EXOC6: variants seen among roughly 807,000 people sequenced by gnomAD.
EXOC6 encodes exocyst complex component 6, also known as SEC15-like 1.
In EXOC6, 60 loss-of-function variants were observed where a neutral mutation model predicts 112.5. That is an observed-to-expected ratio of 0.53 (90% CI 0.43 to 0.66). The LOEUF (loss-of-function observed/expected upper bound fraction) is 0.66. Among genes scored for constraint, EXOC6 ranks in the 30% least tolerant of loss-of-function variants. The pLI is 0.00. For synonymous variants in EXOC6, 295 were observed against 308.0 expected (o/e 0.96, Z 0.44); for missense variants, 855 against 957.1 (o/e 0.89, Z 1.41).
At chr10:93,056,046 A>G (rs776996305) in intron 20 of EXOC6, among the ~76,000 whole-genome samples, 2 of 152,228 alleles carry the variant, frequency 1.3e-5, no homozygotes, top group Non-Finnish European at 2.9e-5. Flanking sequence ...AAAAGAAAGA[A>G]TATAAAAACT....
intron 18 of EXOC6, among the ~76,000 whole-genome samples, chr10:92,996,569 A>G (rs934923201): frequency 1.3e-5 from 2 of 150,234 alleles, no homozygotes; most frequent in African/African-American, 2.5e-5. Flanking sequence ...GTGAGCCGAG[A>G]TTGCGCCAGC....
intron 18 of EXOC6, among the ~76,000 whole-genome samples, chr10:92,988,459 A>G (rs1843098018): frequency 6.6e-6 from 1 of 152,130 alleles, no homozygotes; most frequent in Non-Finnish European, 1.5e-5. Flanking sequence ...TCAAGTTTTG[A>G]TTAATGTAAT....
At chr10:92,981,478 C>T (rs1842822429) in intron 18 of EXOC6, among the ~76,000 whole-genome samples, 1 of 152,148 alleles carries the variant, frequency 6.6e-6, no homozygotes. Context: ...AAAATGTCTT[C>T]ACATGTGTTT....
At chr10:92,868,801 C>T (rs1050057320) in intron 1 of EXOC6, among the ~76,000 whole-genome samples, 3 of 149,674 alleles carry the variant, frequency 2.0e-5, no homozygotes, top group Non-Finnish European at 4.4e-5. Context: ...CCCTTCTTTC[C>T]TCCCTCCCTC....
At chr10:92,943,544 C>T (rs1055100826) in intron 13 of EXOC6, among the ~76,000 whole-genome samples, 7 of 151,794 alleles carry the variant, frequency 4.6e-5, no homozygotes, top group Non-Finnish European at 1.0e-4. Flanking sequence ...ATATTATGAG[C>T]CCTGTTTTAT....
chr10:92,915,291 TA>T, intron 6 of EXOC6, among the ~76,000 whole-genome samples: 1 of 152,090 alleles, frequency 6.6e-6, no homozygotes, highest in South Asian at 2.1e-4. Context: ...CCTGTAATCC[TA>T]GCACTCTGGG....
chr10:92,999,799 T>C (rs774830141), intron 19 of EXOC6, among the ~76,000 whole-genome samples: 2 of 151,732 alleles, frequency 1.3e-5, no homozygotes, highest in Non-Finnish European at 2.9e-5. Flanking sequence ...GCCTCCTGGG[T>C]TCCAGCAATT....
chr10:92,913,480 C>T (rs1269398557), intron 6 of EXOC6, among the ~76,000 whole-genome samples: 1 of 152,204 alleles, frequency 6.6e-6, no homozygotes, highest in African/African-American at 2.4e-5. Flanking sequence ...TGATACTTGT[C>T]TCCCTTCTAT....
chr10:93,029,619 G>A (rs1269013235), intron 20 of EXOC6, among the ~76,000 whole-genome samples: 1 of 152,074 alleles, frequency 6.6e-6, no homozygotes, highest in Non-Finnish European at 1.5e-5. Context: ...CTTTTGATGA[G>A]GAGAAGTTCA....
At chr10:92,988,808 C>CACACACAA (rs1843114406) in intron 18 of EXOC6, among the ~76,000 whole-genome samples, 1 of 58,130 alleles carries the variant, frequency 1.7e-5, no homozygotes, top group Non-Finnish European at 3.7e-5. Context: ...AATACACACA[C>CACACACAA]ACACACACAC....
intron 17 of EXOC6, among the ~76,000 whole-genome samples, chr10:92,972,623 A>G (rs1316291389): frequency 6.6e-6 from 1 of 152,064 alleles, no homozygotes; most frequent in East Asian, 1.9e-4. Flanking sequence ...CCCTGGGTGA[A>G]ACTTAGGCCA....
intron 1 of EXOC6, among the ~76,000 whole-genome samples, chr10:92,892,765 G>A (rs1353874077): frequency 6.6e-6 from 1 of 152,198 alleles, no homozygotes; most frequent in Non-Finnish European, 1.5e-5. Context: ...AGGAAACATT[G>A]TGGTGACTGC....
At chr10:93,003,341 A>G (rs1329682259) in intron 19 of EXOC6, among the ~76,000 whole-genome samples, 3 of 152,192 alleles carry the variant, frequency 2.0e-5, no homozygotes, top group Non-Finnish European at 4.4e-5. Context: ...ATTCTATACC[A>G]TCATTCAGCC....
At chr10:92,898,806 C>T (rs771116485) in intron 4 of EXOC6, among the ~76,000 whole-genome samples, 3 of 151,834 alleles carry the variant, frequency 2.0e-5, no homozygotes, top group Non-Finnish European at 4.4e-5. Flanking sequence ...ACTTGGAGAC[C>T]CCTAGGAGGA....
intron 20 of EXOC6, among the ~76,000 whole-genome samples, chr10:93,047,126 G>T (rs1846032071): frequency 6.6e-6 from 1 of 152,202 alleles, no homozygotes; most frequent in Non-Finnish European, 1.5e-5. Flanking sequence ...GCAGTGTGGA[G>T]GTTGGCTAAT....
At chr10:92,938,199 T>A (rs1407855960) in intron 12 of EXOC6, among the ~76,000 whole-genome samples, 1 of 152,144 alleles carries the variant, frequency 6.6e-6, no homozygotes, top group African/African-American at 2.4e-5. Context: ...TAGGTAATAT[T>A]GGCACTGTAA....
intron 17 of EXOC6, among the ~76,000 whole-genome samples, chr10:92,963,369 C>T (rs1854122793): frequency 6.6e-6 from 1 of 152,130 alleles, no homozygotes; most frequent in Non-Finnish European, 1.5e-5. Flanking sequence ...TTGTATTTCC[C>T]TCTGAAAATT....
At chr10:93,013,616 T>A (rs922459145) in intron 19 of EXOC6, among the ~76,000 whole-genome samples, 4 of 151,742 alleles carry the variant, frequency 2.6e-5, no homozygotes, top group South Asian at 2.1e-4. Flanking sequence ...TCAAAAAAAA[T>A]AAAAATAAAA....
At chr10:92,987,548 G>A (rs1172060863) in intron 18 of EXOC6, 2 of 773,788 alleles carry the variant, frequency 2.6e-6, no homozygotes, top group African/African-American at 1.9e-5. Context: ...TTTAAACACT[G>A]ATTCTGCTGT....
Sources: allele counts gnomAD v4.1 joint callset (sites outside exome capture counted in the v4.1 genomes callset), GRCh38; gene constraint gnomAD v4.1.1; transcripts MANE v1.5; gene names NCBI Gene and HGNC (gene_info 2026-07-23, HGNC 2026-07-21).